Variants in SESN3 observed in about 807,000 individuals in gnomAD.
The protein encoded by SESN3 is sestrin-3.
Under a neutral mutation model 55.3 loss-of-function variants are expected in SESN3, and 21 were observed. That is an observed-to-expected ratio of 0.38 (90% CI 0.27 to 0.55). The LOEUF (loss-of-function observed/expected upper bound fraction) is 0.55. Among genes scored for constraint, SESN3 ranks in the 20% least tolerant of loss-of-function variants. The pLI is 0.76. For missense variants in SESN3, 408 were observed against 604.3 expected (o/e 0.68, Z 3.41); for synonymous variants, 181 against 203.1 (o/e 0.89, Z 0.93).
intron 1 of SESN3, among the ~76,000 whole-genome samples, chr11:95,196,112 C>T (rs1860356755): frequency 1.3e-5 from 2 of 152,086 alleles, no homozygotes; most frequent in Admixed American, 1.3e-4. Flanking sequence ...ATATACCGAA[C>T]ATAAAAGAAA....
chr11:95,216,114 A>G (rs537797721), intron 1 of SESN3, among the ~76,000 whole-genome samples: 9 of 150,406 alleles, frequency 6.0e-5, no homozygotes, highest in East Asian at 3.9e-4. Flanking sequence ...AAAAAAGAAA[A>G]AAAAAAAAAA....
chr11:95,183,169 T>C (rs1187471835), intron 6 of SESN3, among the ~76,000 whole-genome samples: 1 of 152,140 alleles, frequency 6.6e-6, no homozygotes, highest in African/African-American at 2.4e-5. Flanking sequence ...TGAAACTCTA[T>C]CAGGTACTCA....
intron 9 of SESN3, among the ~76,000 whole-genome samples, chr11:95,174,322 A>C (rs927947742): frequency 1.4e-4 from 21 of 152,262 alleles, no homozygotes; most frequent in African/African-American, 5.1e-4. Flanking sequence ...GCCAGCTCTT[A>C]TACTATGATG....
At chr11:95,222,838 G>A (rs1236309760) in intron 1 of SESN3, among the ~76,000 whole-genome samples, 2 of 152,156 alleles carry the variant, frequency 1.3e-5, no homozygotes, top group African/African-American at 2.4e-5. Flanking sequence ...GTAACTACAG[G>A]TTTAGGTTAT....
chr11:95,230,498 A>C lies in SESN3; in HGVS notation c.78+285T>G. 8.2e-6 allele frequency: 3 copies of C among 367,080 alleles called. No homozygotes were observed. The highest frequency in any genetic ancestry group is 7.4e-5 in the East Asian group (1 of 13,594). The allele number at this position is 367,080 out of a possible 1,614,324, so 22.7% of individuals were successfully genotyped here. A position where few individuals can be genotyped will look rare whatever the true frequency, so the allele number is the denominator to read the frequency against. ...AGGAGCCGACCCGGGGTAGCAAGGT[A>C]GGGAAATGAGCCGTAAAGGAGAGCA... On this transcript the variant is annotated intron_variant, in intron 1 of 9. Coordinates refer to ENST00000536441, the MANE Select transcript of SESN3 (RefSeq NM_144665.4). The surrounding 1 kb of genome is among the most constrained non-coding windows in gnomAD (Gnocchi z 4.6).
chr11:95,231,940 T>C (rs1861078686), upstream of SESN3: 1 of 152,190 alleles, frequency 6.6e-6, no homozygotes, highest in African/African-American at 2.4e-5. Flanking sequence ...ACCTCTGGTT[T>C]AGCGGTTTCC....
chr11:95,180,861 A>T (rs1469494175), intron 6 of SESN3, among the ~76,000 whole-genome samples: 1 of 152,116 alleles, frequency 6.6e-6, no homozygotes, highest in Non-Finnish European at 1.5e-5. Context: ...AGGTCAACAG[A>T]AACACTTTTA....
chr11:95,173,440 TACAC>T (rs532093347), intron 9 of SESN3, 99 bp from the exon 10 acceptor site: 5 of 579,356 alleles, frequency 8.6e-6, no homozygotes, highest in Non-Finnish European at 1.6e-5. Flanking sequence ...ATAAGCAATA[TACAC>T]ACACACACAC....
chr11:95,221,716 C>T (rs1235907325), intron 1 of SESN3, among the ~76,000 whole-genome samples: 1 of 152,092 alleles, frequency 6.6e-6, no homozygotes, highest in African/African-American at 2.4e-5. Context: ...AGGTTAAATG[C>T]CTGTCATACC....
chr11:95,190,666 TTTG>T (rs2134234338), intron 3 of SESN3, among the ~76,000 whole-genome samples: 1 of 152,162 alleles, frequency 6.6e-6, no homozygotes, highest in African/African-American at 2.4e-5. Flanking sequence ...AATGTTGCTT[TTTG>T]TTGTTGTGTA....
Position 95,185,349 on chromosome 11 carries a change from TC to T in SESN3, c.668del (p.Gly223AspfsTer4), listed in dbSNP as rs1177593494. 1 of 1,613,108 alleles carries T rather than the reference TC, an allele frequency of 6.2e-7. No homozygotes were observed. Among genetic ancestry groups the T allele is most frequent in the Non-Finnish European group, 8.5e-7 (1 of 1,179,374 alleles). On this transcript the variant is annotated frameshift_variant, in exon 5 of 10. Coordinates refer to ENST00000536441, the MANE Select transcript of SESN3 (RefSeq NM_144665.4). LOFTEE classifies it high-confidence loss of function. ...AATTGTTGACTGATATTAGCCTGAA[TC>T]CATTGGAGATTTCTGGATCTCTCTC... is the stretch of plus-strand genomic sequence containing the variant. ...NPERDPEISN[G>X]FRLISVNNFC...
Position 95,173,341 on chromosome 11 carries a change from C to A in SESN3, c.1393G>T (p.Val465Phe). The change falls in exon 10 of 10, where the codon GTT becomes TTT. Residue 465 changes from valine to phenylalanine, a missense_variant and splice_region_variant. Val to Phe is a conservative substitution (Grantham distance 50). Transcript: ENST00000536441. ...YWRQFKHSEK[V>F]HVNLLLMEAR... The stretch of plus-strand genomic sequence containing the variant: ...TCCATTAAAAGTAGATTGACATGAA[C>A]CTAGAAGTGAAAATGTTATCAGTTT... 3 of 1,579,420 alleles carry A rather than the reference C, an allele frequency of 1.9e-6. No individual in the cohort carries two copies. Among genetic ancestry groups the A allele is most frequent in the Non-Finnish European group, 2.6e-6 (3 of 1,151,206 alleles).
chr11:95,231,851 T>C (rs1861076921), upstream of SESN3: 1 of 152,222 alleles, frequency 6.6e-6, no homozygotes, highest in South Asian at 2.1e-4. Context: ...ACTTGAGGCT[T>C]GGGAGGCGGA....
At chr11:95,214,989 T>C (rs991215432) in intron 1 of SESN3, among the ~76,000 whole-genome samples, 3 of 152,152 alleles carry the variant, frequency 2.0e-5, no homozygotes, top group African/African-American at 4.8e-5. Flanking sequence ...GCATATTATA[T>C]CTGAAGGTCT....
intron 5 of SESN3, 83 bp downstream of exon 5, chr11:95,185,173 T>C (rs1860139453): frequency 3.8e-6 from 3 of 782,600 alleles, no homozygotes; most frequent in East Asian, 5.1e-5. Context: ...TCCTATCTAA[T>C]TGGAGAAAAA....
At chr11:95,189,066 T>C (rs574962344) in intron 4 of SESN3, among the ~76,000 whole-genome samples, 1 of 152,018 alleles carries the variant, frequency 6.6e-6, no homozygotes, top group East Asian at 1.9e-4. Context: ...ACCAAGGACA[T>C]TTCTATGCAT....
chr11:95,186,962 A>AT (rs1252937080), intron 4 of SESN3, among the ~76,000 whole-genome samples: 1 of 151,796 alleles, frequency 6.6e-6, no homozygotes, highest in Non-Finnish European at 1.5e-5. Context: ...TACATATTTT[A>AT]TTTTTTATAA....
chr11:95,216,213 T>C (rs1190266332), intron 1 of SESN3, among the ~76,000 whole-genome samples: 2 of 152,150 alleles, frequency 1.3e-5, no homozygotes, highest in African/African-American at 4.8e-5. Flanking sequence ...TGTCAAATAG[T>C]TGATGATCCA....
intron 6 of SESN3, among the ~76,000 whole-genome samples, chr11:95,179,453 T>A (rs2134220227): frequency 6.6e-6 from 1 of 152,104 alleles, no homozygotes; most frequent in Middle Eastern, 3.4e-3. Flanking sequence ...TGTTTTTATC[T>A]CTCCAGGGGA....
Sources: allele counts gnomAD v4.1 joint callset (sites outside exome capture counted in the v4.1 genomes callset), GRCh38; gene constraint gnomAD v4.1.1; non-coding constraint Gnocchi (gnomAD v3.1); transcripts MANE v1.5; gene names NCBI Gene and HGNC (gene_info 2026-07-23, HGNC 2026-07-21).